The following UBE3D variants were observed in gnomAD, a reference collection of about 807,000 sequenced individuals.
UBE3D encodes ubiquitin protein ligase E3D.
In UBE3D, 48 loss-of-function variants were observed where a neutral mutation model predicts 49.6. The observed-to-expected ratio is 0.97, with a 90% CI of 0.77 to 1.23. The LOEUF (loss-of-function observed/expected upper bound fraction) is 1.23, where lower values mean the gene tolerates loss of function less well. Among genes scored for constraint, UBE3D ranks in the 50% most tolerant of loss-of-function variants. The pLI is 0.00. For missense variants in UBE3D, 452 were observed against 468.4 expected, an observed-to-expected ratio of 0.96 and a Z score of 0.32; for synonymous variants, 189 against 174.2, an observed-to-expected ratio of 1.08 and a Z score of -0.67.
chr6:83,026,221 C>G (rs547760712), intron 5 of UBE3D, among the ~76,000 whole-genome samples: 1 of 151,992 alleles, frequency 6.6e-6, no homozygotes, highest in Non-Finnish European at 1.5e-5. Flanking sequence ...CAAGGCAGGA[C>G]GATCACTTCA....
chr6:83,044,727 C>A, intron 3 of UBE3D, 68 bp from the exon 4 acceptor site: 1 of 1,287,522 alleles, frequency 7.8e-7, no homozygotes, highest in Non-Finnish European at 1.1e-6. Context: ...AATTAAATGA[C>A]CATAAAAGAT....
chr6:82,937,379 C>A (rs1774659775), intron 9 of UBE3D, among the ~76,000 whole-genome samples: 1 of 152,114 alleles, frequency 6.6e-6, no homozygotes, highest in Non-Finnish European at 1.5e-5. Flanking sequence ...CTCCTGAGAA[C>A]AACACAGCAG....
At position 82,984,185 on chromosome 6, in the gene UBE3D, G is replaced by A. The variant is rs151118171; in HGVS notation, c.1011-26735C>T. On this transcript the variant is annotated intron_variant, in intron 8 of 9. Coordinates refer to ENST00000369747, the MANE Select transcript of UBE3D (RefSeq NM_198920.3). ...TCTTATCATTCTTCAATAAACAATAGCACACTATACACTTTCTTCTTCACC... is the reference window on the plus strand; with the variant it reads ...TCTTATCATTCTTCAATAAACAATAACACACTATACACTTTCTTCTTCACC... 4.4e-3 allele frequency among the ~76,000 whole-genome samples: 668 copies of A among 151,990 alleles called. 4 individuals carry two copies. Among genetic ancestry groups the A allele is most frequent in the African/African-American group, 0.015 (634 of 41,464 alleles).
chr6:82,986,731 C>A (rs1778540977), intron 8 of UBE3D, among the ~76,000 whole-genome samples: 1 of 146,954 alleles, frequency 6.8e-6, no homozygotes, highest in Non-Finnish European at 1.5e-5. Context: ...ATATATATAT[C>A]CATTATACAT....
intron 5 of UBE3D, among the ~76,000 whole-genome samples, chr6:83,033,217 C>A (rs1043317127): frequency 2.6e-5 from 4 of 152,146 alleles, no homozygotes; most frequent in East Asian, 1.9e-4. Flanking sequence ...CATAGGCATT[C>A]CCTCATGATC....
downstream of UBE3D, among the ~76,000 whole-genome samples, chr6:82,890,806 C>T (rs541163006): frequency 1.3e-5 from 2 of 152,118 alleles, no homozygotes; most frequent in South Asian, 2.1e-4. Context: ...TTTTTTTGAG[C>T]AGTACAGAGT....
intron 8 of UBE3D, among the ~76,000 whole-genome samples, chr6:82,981,392 G>A (rs1403392746): frequency 6.6e-6 from 1 of 151,938 alleles, no homozygotes; most frequent in South Asian, 2.1e-4. Context: ...TTTATGAATG[G>A]GAGCAGTCCA....
chr6:83,056,731 T>C (rs144615742), intron 2 of UBE3D, among the ~76,000 whole-genome samples: 104 of 152,266 alleles, frequency 6.8e-4, no homozygotes, highest in Admixed American at 2.4e-3. Context: ...CTCAGGGGAA[T>C]ACTCAACATC....
chr6:82,911,346 G>A (rs13206567), intron 9 of UBE3D, among the ~76,000 whole-genome samples: 1 of 152,006 alleles, frequency 6.6e-6, no homozygotes, highest in South Asian at 2.1e-4. Context: ...GACCAGAATT[G>A]AAGTTTTGAA....
At chr6:82,903,177 C>T (rs754275059) in intron 9 of UBE3D, among the ~76,000 whole-genome samples, 16 of 151,754 alleles carry the variant, frequency 1.1e-4, no homozygotes, top group Non-Finnish European at 1.6e-4. Context: ...TGTAGAGATG[C>T]GGTCTTACTT....
intron 1 of UBE3D, among the ~76,000 whole-genome samples, chr6:83,061,090 C>T (rs894529550): frequency 2.6e-5 from 4 of 152,142 alleles, no homozygotes; most frequent in African/African-American, 9.7e-5. Context: ...AAATCATGTG[C>T]CACCTGACAG....
intron 4 of UBE3D, among the ~76,000 whole-genome samples, chr6:83,040,023 CTTTT>C (rs1562216731): frequency 1.3e-5 from 2 of 152,024 alleles, no homozygotes; most frequent in African/African-American, 4.8e-5. Context: ...CTTCAAGAAA[CTTTT>C]ATTTGAGGTG....
intron 8 of UBE3D, among the ~76,000 whole-genome samples, chr6:83,005,688 A>G (rs964625104): frequency 6.6e-6 from 1 of 152,062 alleles, no homozygotes. Flanking sequence ...TTGCACACCA[A>G]TGTTCATAGC....
intron 7 of UBE3D, among the ~76,000 whole-genome samples, chr6:83,021,702 T>TA (rs1187065895): frequency 2.1e-4 from 31 of 150,874 alleles, no homozygotes; most frequent in African/African-American, 7.3e-4. Context: ...CCGTCTCTAC[T>TA]AAAAAAATAC....
In UBE3D at chr6:82,971,285, G is replaced by A. The variant is rs563159754; in HGVS notation, c.1011-13835C>T. 7.9e-5 allele frequency among the ~76,000 whole-genome samples: 12 copies of A among 152,040 alleles called. No individual in the cohort carries two copies. In the South Asian group the frequency reaches 2.5e-3, roughly 32 times the overall value. ...TTTACTATGTTCTATTACATTACCA[G>A]AGGAAATCAGTTAAAAACTTAGGAG... On this transcript the variant is annotated intron_variant, in intron 8 of 9. Transcript: ENST00000369747.
intron 9 of UBE3D, among the ~76,000 whole-genome samples, chr6:82,912,535 C>T (rs991399455): frequency 6.6e-6 from 1 of 151,906 alleles, no homozygotes; most frequent in Admixed American, 6.6e-5. Flanking sequence ...TGGTGTAATA[C>T]TCTACTTTCG....
At chr6:82,948,884 A>C (rs1191840937) in intron 9 of UBE3D, among the ~76,000 whole-genome samples, 1 of 151,520 alleles carries the variant, frequency 6.6e-6, no homozygotes, top group Admixed American at 6.6e-5. Flanking sequence ...CACAAAAAAA[A>C]GCCATATATG....
intron 1 of UBE3D, among the ~76,000 whole-genome samples, chr6:83,060,278 G>A (rs1229713264): frequency 6.6e-6 from 1 of 152,100 alleles, no homozygotes; most frequent in African/African-American, 2.4e-5. Flanking sequence ...CATAGAGGGA[G>A]ACTGACAAAA....
chr6:82,910,886 C>T (rs781703652), intron 9 of UBE3D, among the ~76,000 whole-genome samples: 1 of 152,110 alleles, frequency 6.6e-6, no homozygotes, highest in Non-Finnish European at 1.5e-5. Context: ...TCTTAACAAT[C>T]ACTGTGGCTC....
Sources: allele counts gnomAD v4.1 joint callset (sites outside exome capture counted in the v4.1 genomes callset), GRCh38; gene constraint gnomAD v4.1.1; transcripts MANE v1.5; gene names NCBI Gene and HGNC (gene_info 2026-07-23, HGNC 2026-07-21).